Variants in LINGO2 observed in about 807,000 individuals in gnomAD.
The protein encoded by LINGO2 is leucine-rich repeat and immunoglobulin-like domain-containing nogo receptor-interacting protein 2.
In LINGO2, 14 loss-of-function variants were observed where a neutral mutation model predicts 30.6. The observed-to-expected ratio is 0.46, with a 90% confidence interval of 0.30 to 0.72. LINGO2 has a LOEUF of 0.72. Ranked by LOEUF, LINGO2 falls within the 30% of genes least tolerant of loss-of-function variation. The pLI is 0.07. For synonymous variants in LINGO2, 317 were observed against 288.5 expected (o/e 1.10, Z -1.00); for missense variants, 729 against 751.7 (o/e 0.97, Z 0.35).
intron 4 of LINGO2, among the ~76,000 whole-genome samples, chr9:28,089,763 CAA>C (rs1826021292): frequency 6.6e-6 from 1 of 151,992 alleles, no homozygotes; most frequent in South Asian, 2.1e-4. Flanking sequence ...TCAAAAAAAT[CAA>C]TGAATCCAGG....
the LINGO2 span, among the ~76,000 whole-genome samples, chr9:28,898,900 C>A: frequency 6.7e-4 from 102 of 152,102 alleles, no homozygotes; most frequent in South Asian, 8.3e-3. Flanking sequence ...AACAAATGTG[C>A]ACATGTATCC....
chr9:28,417,524 G>T (rs1414783107), intron 2 of LINGO2, among the ~76,000 whole-genome samples: 1 of 151,710 alleles, frequency 6.6e-6, no homozygotes, highest in African/African-American at 2.4e-5. Flanking sequence ...TATTCCATAA[G>T]GTTAGAAAAA....
At chr9:28,481,349 A>T (rs1269430217) in intron 1 of LINGO2, among the ~76,000 whole-genome samples, 1 of 152,144 alleles carries the variant, frequency 6.6e-6, no homozygotes, top group Non-Finnish European at 1.5e-5. Flanking sequence ...AATAAATAGT[A>T]GTAACCAGGC....
intron 4 of LINGO2, among the ~76,000 whole-genome samples, chr9:28,043,060 A>T (rs1222547665): frequency 2.6e-5 from 4 of 152,198 alleles, no homozygotes; most frequent in Non-Finnish European, 5.9e-5. Flanking sequence ...GCACAGGCAA[A>T]TTGGGGCACC....
At chr9:29,043,861 T>G in the LINGO2 span, among the ~76,000 whole-genome samples, 1 of 152,132 alleles carries the variant, frequency 6.6e-6, no homozygotes, top group African/African-American at 2.4e-5. Context: ...TTCATCGCAA[T>G]TTTGCACAAT....
chr9:28,054,363 G>A (rs143274656), intron 4 of LINGO2, among the ~76,000 whole-genome samples: 344 of 152,154 alleles, frequency 2.3e-3, no homozygotes, highest in African/African-American at 7.9e-3. Context: ...TTACTTAGAT[G>A]CTACAAGATG....
chr9:28,995,472 G>A, the LINGO2 span, among the ~76,000 whole-genome samples: 1 of 152,136 alleles, frequency 6.6e-6, no homozygotes, highest in Non-Finnish European at 1.5e-5. Flanking sequence ...CCATGCCTCA[G>A]GGATCTAGAA....
chr9:28,479,547 T>A (rs1825856367), intron 1 of LINGO2, among the ~76,000 whole-genome samples: 1 of 151,884 alleles, frequency 6.6e-6, no homozygotes, highest in Non-Finnish European at 1.5e-5. Context: ...TCTGAAGGCA[T>A]AGGTTTTAAT....
chr9:29,006,407 A>G, the LINGO2 span, among the ~76,000 whole-genome samples: 1 of 152,098 alleles, frequency 6.6e-6, no homozygotes, highest in East Asian at 1.9e-4. Flanking sequence ...CTGAAGATCC[A>G]TATAATTCAT....
chr9:28,956,546 T>C, the LINGO2 span, among the ~76,000 whole-genome samples: 1 of 151,064 alleles, frequency 6.6e-6, no homozygotes, highest in African/African-American at 2.4e-5. Context: ...ATAATCAAGT[T>C]TGACAAATAT....
At chr9:28,160,812 C>T (rs961589700) in intron 4 of LINGO2, among the ~76,000 whole-genome samples, 2 of 152,194 alleles carry the variant, frequency 1.3e-5, no homozygotes, top group African/African-American at 2.4e-5. Context: ...TCAGGTACTA[C>T]ACTGATTTCT....
chr9:28,676,664 C>T, the LINGO2 span, among the ~76,000 whole-genome samples: 18 of 152,010 alleles, frequency 1.2e-4, no homozygotes, highest in Admixed American at 3.3e-4. Context: ...CTAAGATTTA[C>T]GAGGACTTCA....
chr9:28,277,668 G>T (rs1302721227), intron 4 of LINGO2, among the ~76,000 whole-genome samples: 2 of 151,838 alleles, frequency 1.3e-5, no homozygotes, highest in African/African-American at 4.8e-5. Flanking sequence ...AATTAGCTGG[G>T]TGTGGTGGCA....
At chr9:28,334,122 T>C (rs962566440) in intron 3 of LINGO2, among the ~76,000 whole-genome samples, 3 of 152,214 alleles carry the variant, frequency 2.0e-5, no homozygotes, top group Non-Finnish European at 4.4e-5. Context: ...GAACATAGAG[T>C]AGCTTCCCTG....
intron 5 of LINGO2, among the ~76,000 whole-genome samples, chr9:27,989,307 A>G (rs1344392566): frequency 2.6e-5 from 4 of 152,002 alleles, no homozygotes; most frequent in African/African-American, 9.6e-5. Flanking sequence ...TGATTTGTTC[A>G]TTTTTGATTG....
chr9:28,434,064 C>G (rs1430495327), intron 2 of LINGO2, among the ~76,000 whole-genome samples: 1 of 151,214 alleles, frequency 6.6e-6, no homozygotes, highest in Admixed American at 6.6e-5. Flanking sequence ...TTGGATGGAG[C>G]TGGAGGCCAT....
the LINGO2 span, among the ~76,000 whole-genome samples, chr9:28,747,579 G>A: frequency 6.6e-6 from 1 of 151,998 alleles, no homozygotes; most frequent in South Asian, 2.1e-4. Flanking sequence ...CTGTGGAGCC[G>A]GAGCTCAAAG....
At chr9:28,003,246 C>T (rs1009755419) in intron 5 of LINGO2, among the ~76,000 whole-genome samples, 1 of 152,006 alleles carries the variant, frequency 6.6e-6, no homozygotes, top group Non-Finnish European at 1.5e-5. Flanking sequence ...ATTTAATTCA[C>T]TACAACAACT....
chr9:28,863,601 T>G, the LINGO2 span: 9 of 528,368 alleles, frequency 1.7e-5, no homozygotes, highest in South Asian at 1.3e-4. Context: ...GGCTTCATGG[T>G]GTAGATCAAC....
Sources: allele counts gnomAD v4.1 joint callset (sites outside exome capture counted in the v4.1 genomes callset), GRCh38; gene constraint gnomAD v4.1.1; transcripts MANE v1.5; gene names NCBI Gene and HGNC (gene_info 2026-07-23, HGNC 2026-07-21).